Variants in STAB2 observed in about 807,000 individuals in gnomAD.
STAB2 encodes the protein stabilin 2.
STAB2 carries 288 observed loss-of-function variants against 338.1 expected under a neutral mutation model. The observed-to-expected ratio is 0.85, with a 90% CI of 0.77 to 0.94. The LOEUF (loss-of-function observed/expected upper bound fraction) is 0.94. Ranked by LOEUF, STAB2 falls within the 40% of genes least tolerant of loss-of-function variation. The probability of loss-of-function intolerance (pLI) is 0.00; values close to 1 mark genes in which losing one functional copy is unlikely to be tolerated. For missense variants in STAB2, 3,141 were observed against 3,210.1 expected (o/e 0.98, Z 0.52); for synonymous variants, 1,202 against 1,193.3 (o/e 1.01, Z -0.15).
chr12:103,683,218 G>A lies in STAB2; in HGVS notation c.2819G>A (p.Cys940Tyr). ...TTAAAATTATAGAATGAGTGTGAGTGCAAGAAAGGATTTCGAGGAAATGGG... is the reference window on the plus strand; with the variant it reads ...TTAAAATTATAGAATGAGTGTGAGTACAAGAAAGGATTTCGAGGAAATGGG... ...YVGPGQNECECKKGFRGNGID... is the reference protein window; with the variant it reads ...YVGPGQNECEYKKGFRGNGID... Residue 940 changes from cysteine (C) to tyrosine (Y), a missense_variant, in exon 26 of 69, where the codon TGC becomes TAC. Physicochemically the swap from Cys to Tyr is radical, Grantham distance 194. Coordinates refer to ENST00000388887, the MANE Select transcript of STAB2 (RefSeq NM_017564.10). 6.2e-7 allele frequency: 1 copy of A among 1,612,890 alleles called. No individual in the cohort carries two copies. The highest frequency in any genetic ancestry group is 8.5e-7 in the Non-Finnish European group (1 of 1,179,584).
chr12:103,663,501 G>T (rs1310488284), intron 18 of STAB2, among the ~76,000 whole-genome samples: 1 of 152,068 alleles, frequency 6.6e-6, no homozygotes, highest in Non-Finnish European at 1.5e-5. Context: ...CACCACACCT[G>T]GCTAATTTTT....
intron 57 of STAB2, 74 bp from the exon 58 acceptor site, chr12:103,746,516 AGAGTCTT>A (rs1883043801): frequency 1.5e-6 from 2 of 1,315,274 alleles, no homozygotes; most frequent in African/African-American, 2.9e-5. Context: ...TCGTCCAGAG[AGAGTCTT>A]GGAAAGTCTC....
chr12:103,659,475 T>C (rs1172650245), intron 15 of STAB2, among the ~76,000 whole-genome samples: 1 of 152,254 alleles, frequency 6.6e-6, no homozygotes, highest in Non-Finnish European at 1.5e-5. Flanking sequence ...TCCTTCACTT[T>C]TCCAAGCCAG....
In STAB2 at chr12:103,715,861, G is replaced by T. The variant is rs150838626; in HGVS notation, c.4584G>T (p.Ala1528=). ...ACCATGGTGGCTGTGACAAGAATGC[G>T]GAGTGCACACAGACAGGACCCAACC... ...LENHGGCDKN[A]ECTQTGPNQA... Residue 1528 remains alanine, a synonymous_variant, in exon 43 of 69, where the codon GCG becomes GCT. Coordinates refer to ENST00000388887, the MANE Select transcript of STAB2 (RefSeq NM_017564.10). 69 of 1,614,050 alleles carry T rather than the reference G, an allele frequency of 4.3e-5. No individual in the cohort carries two copies. In the East Asian group the frequency reaches 1.3e-3, roughly 31 times the overall value.
intron 49 of STAB2, among the ~76,000 whole-genome samples, chr12:103,731,092 C>T (rs1208862575): frequency 6.6e-6 from 1 of 152,098 alleles, no homozygotes; most frequent in South Asian, 2.1e-4. Context: ...TAAACACACA[C>T]ACGAAGGGTG....
At chr12:103,655,380 A>G in intron 14 of STAB2, 73 bp downstream of exon 14, 3 of 1,602,338 alleles carry the variant, frequency 1.9e-6, no homozygotes, top group Non-Finnish European at 2.6e-6. Context: ...GGTGTCAATT[A>G]TAAATTTCTG....
intron 44 of STAB2, among the ~76,000 whole-genome samples, chr12:103,721,409 A>C (rs1880752115): frequency 6.6e-6 from 1 of 152,188 alleles, no homozygotes; most frequent in Non-Finnish European, 1.5e-5. Flanking sequence ...AATGCAGTAA[A>C]GGGAATAAAA....
chr12:103,587,457 G>A lies in STAB2; in HGVS notation c.-20G>A, dbSNP rs775295225. 9.9e-6 allele frequency: 16 copies of A among 1,608,778 alleles called. No homozygotes were observed. The Admixed American group carries it at 2.5e-4, about 25-fold the overall frequency. On this transcript the variant is annotated 5_prime_UTR_variant, in exon 1 of 69. Transcript: ENST00000388887. ...CAGCCTGACAGGTGCTTGGCACAGA[G>A]AAGGAGCAAATATTTCCTCATGATG...
intron 3 of STAB2, among the ~76,000 whole-genome samples, chr12:103,606,943 G>A (rs899874907): frequency 2.0e-5 from 3 of 151,940 alleles, no homozygotes; most frequent in Admixed American, 6.6e-5. Flanking sequence ...GAGCTTATGC[G>A]ACTGCACTCC....
Position 103,730,015 on chromosome 12 carries a change from GC to G in STAB2, c.5083-100del, listed in dbSNP as rs1412999185. Reference sequence around the variant, plus strand: ...GTATTAACTTGGATATTCAGTTTTTGCTCCTGATAATTTGACACATTGGTAA... The same window carrying G: ...GTATTAACTTGGATATTCAGTTTTTGTCCTGATAATTTGACACATTGGTAA... On this transcript the variant is annotated intron_variant, in intron 48 of 68. Transcript: ENST00000388887. 6 of 1,131,190 alleles carry G rather than the reference GC, an allele frequency of 5.3e-6. No homozygotes were observed. The Admixed American group carries it at 8.0e-5, about 15-fold the overall frequency. 70.1% of individuals were successfully genotyped at this position (1,131,190 alleles called of 1,614,324 possible).
intron 23 of STAB2, 54 bp downstream of exon 23, chr12:103,674,141 G>A: frequency 6.4e-7 from 1 of 1,555,756 alleles, no homozygotes; most frequent in Non-Finnish European, 8.7e-7. Context: ...AGTGTAAGGG[G>A]ATGGCACTTA....
chr12:103,709,187 C>T (rs1346422534), intron 39 of STAB2, among the ~76,000 whole-genome samples: 1 of 152,042 alleles, frequency 6.6e-6, no homozygotes, highest in Admixed American at 6.6e-5. Flanking sequence ...CAGGTGAGGG[C>T]GGTCAAAGAG....
intron 21 of STAB2, 30 bp from the exon 22 acceptor site, chr12:103,670,666 A>C: frequency 6.4e-7 from 1 of 1,569,116 alleles, no homozygotes; most frequent in South Asian, 1.1e-5. Context: ...ATGTGTCCTA[A>C]TGGCCCATGG....
chr12:103,745,232 C>T lies in STAB2; in HGVS notation c.6091C>T (p.Leu2031Phe). The T allele has an allele frequency of 1.2e-6, 2 of 1,614,014 alleles. No individual in the cohort carries two copies. Among genetic ancestry groups the T allele is most frequent in the South Asian group, 2.2e-5 (2 of 91,070 alleles). The change falls in exon 57 of 69, where the codon CTC (leucine) becomes TTC (phenylalanine). Residue 2031 changes from leucine to phenylalanine, a missense_variant. By Grantham distance (22) the Leu-to-Phe change is conservative. Transcript: ENST00000388887. ...TGGCATCACGGGCTCCGGGCAGTGCCTCTGTGAAACGGGGTGGACAGGCCC... is the reference window on the plus strand; with the variant it reads ...TGGCATCACGGGCTCCGGGCAGTGCTTCTGTGAAACGGGGTGGACAGGCCC... ...DDGITGSGQC[L>F]CETGWTGPSC... is the part of the protein sequence containing the mutation.
intron 43 of STAB2, among the ~76,000 whole-genome samples, chr12:103,717,343 C>A (rs1021373215): frequency 6.6e-6 from 1 of 152,174 alleles, no homozygotes; most frequent in African/African-American, 2.4e-5. Context: ...AAGGTCTCTC[C>A]TTAGCATCTC....
chr12:103,690,533 G>T lies in STAB2; in HGVS notation c.3292G>T (p.Asp1098Tyr). The T allele has an allele frequency of 6.2e-7, 1 of 1,613,722 alleles. No homozygotes were observed. Residue 1098 changes from aspartate (D) to tyrosine (Y), a missense_variant, in exon 30 of 69, where the codon GAT (aspartate) becomes TAT (tyrosine). By Grantham distance (160) the Asp-to-Tyr change is radical. Transcript: ENST00000388887. ...QGNFLHLAKV[D>Y]GNITIEGASI... ...CAACTTCCTTCACTTGGCAAAGGTG[G>T]ATGGGGTAAGAGCTCTGGAATTTGT...
chr12:103,653,501 G>C (rs112118821), intron 12 of STAB2, among the ~76,000 whole-genome samples: 1 of 152,188 alleles, frequency 6.6e-6, no homozygotes, highest in East Asian at 1.9e-4. Context: ...TAACCAATCT[G>C]CTGCAGTGCA....
intron 3 of STAB2, among the ~76,000 whole-genome samples, chr12:103,607,387 C>CT (rs1215513082): frequency 5.2e-5 from 3 of 57,620 alleles, no homozygotes; most frequent in African/African-American, 2.4e-4. Flanking sequence ...GTTCTTTTTT[C>CT]TGTTTTTTTT....
chr12:103,639,949 G>A lies in STAB2; in HGVS notation c.907-174G>A, dbSNP rs140973433. 6.1e-4 allele frequency among the ~76,000 whole-genome samples: 93 copies of A among 152,320 alleles called. 1 individual carries two copies. The East Asian group carries it at 0.016, about 26-fold the overall frequency. On this transcript the variant is annotated intron_variant, in intron 8 of 68. Coordinates refer to ENST00000388887, the MANE Select transcript of STAB2 (RefSeq NM_017564.10). Reference sequence around the variant, plus strand: ...GTATAAGCTTTCCAGCAGGTGACATGTGTAAACATGATTTCTACTTTTAGA... The same window carrying A: ...GTATAAGCTTTCCAGCAGGTGACATATGTAAACATGATTTCTACTTTTAGA...
Sources: gnomAD v4.1 joint callset for allele counts (sites outside exome capture counted in the v4.1 genomes callset) on GRCh38, gnomAD v4.1.1 for gene constraint, MANE v1.5 for transcripts, NCBI Gene and HGNC (gene_info 2026-07-23, HGNC 2026-07-21) for gene names.